Variants in BLNK observed in about 807,000 individuals in gnomAD.
The protein encoded by BLNK is B-cell linker protein.
Under a neutral mutation model 73.5 loss-of-function variants are expected in BLNK, and 29 were observed. That is an observed-to-expected ratio of 0.39 (90% CI 0.29 to 0.54). The LOEUF is 0.54. Among genes scored for constraint, BLNK ranks in the 20% least tolerant of loss-of-function variants. The pLI is 0.61. For synonymous variants in BLNK, 176 were observed against 200.8 expected, an observed-to-expected ratio of 0.88 and a Z score of 1.04; for missense variants, 460 against 562.8, an observed-to-expected ratio of 0.82 and a Z score of 1.85.
chr10:96,190,196 G>T lies in BLNK; in HGVS notation c.*1777C>A, dbSNP rs1207377582. Reference sequence around the variant, plus strand: ...TAGTTCTGGGCCTCAGGGGGCTCACGTCCATGTCCATCGAATCTTCCATCA... The same window carrying T: ...TAGTTCTGGGCCTCAGGGGGCTCACTTCCATGTCCATCGAATCTTCCATCA... On this transcript the variant is annotated 3_prime_UTR_variant, in exon 17 of 17. Transcript: ENST00000224337. The T allele has an allele frequency of 2.6e-6, 2 of 779,766 alleles. No homozygotes were observed. Among genetic ancestry groups the T allele is most frequent in the South Asian group, 1.3e-5 (1 of 74,906 alleles). The allele number at this position is 779,766 out of a possible 1,614,324, so 48.3% of individuals were successfully genotyped here. A position where few individuals can be genotyped will look rare whatever the true frequency, so the allele number is the denominator to read the frequency against.
chr10:96,227,070 G>A (rs112811832), intron 5 of BLNK, among the ~76,000 whole-genome samples: 3 of 152,176 alleles, frequency 2.0e-5, no homozygotes, highest in Non-Finnish European at 4.4e-5. Context: ...CCTAAAAGTG[G>A]GACTAATCTC....
chr10:96,252,976 T>A (rs905974097), intron 1 of BLNK, among the ~76,000 whole-genome samples: 2 of 152,138 alleles, frequency 1.3e-5, no homozygotes, highest in South Asian at 2.1e-4. Flanking sequence ...AAAATGAGGA[T>A]GTGGCAGGCA....
intron 12 of BLNK, 161 bp downstream of exon 12, chr10:96,204,371 T>G (rs1029611346): frequency 2.3e-6 from 2 of 870,276 alleles, no homozygotes; most frequent in Admixed American, 2.0e-5. Context: ...ACACAGTTAT[T>G]TTAAAGTTGC....
In BLNK at chr10:96,191,943, A is replaced by C; in HGVS notation, c.*30T>G. On this transcript the variant is annotated 3_prime_UTR_variant, in exon 17 of 17. Transcript: ENST00000224337. ...GGAGAAACTTTGGGAAAGTGTCTGA[A>C]GCAATGGTATTGATCTTTTTTTTCC... The C allele has an allele frequency of 6.2e-7, 1 of 1,613,116 alleles. No homozygotes were observed. Among genetic ancestry groups the C allele is most frequent in the Non-Finnish European group, 8.5e-7 (1 of 1,179,358 alleles).
intron 15 of BLNK, among the ~76,000 whole-genome samples, chr10:96,198,422 T>C (rs2133938214): frequency 6.6e-6 from 1 of 152,302 alleles, no homozygotes; most frequent in Non-Finnish European, 1.5e-5. Context: ...AGGGCTTCTG[T>C]CTACTTGAGA....
intron 1 of BLNK, among the ~76,000 whole-genome samples, chr10:96,256,811 G>T (rs7922911): frequency 0.014 from 2,048 of 146,074 alleles, 37 homozygotes; most frequent in African/African-American, 0.045. Context: ...AACCCGGGAG[G>T]CAGAGGTTGC....
intron 1 of BLNK, among the ~76,000 whole-genome samples, chr10:96,257,276 T>C (rs1320247507): frequency 6.6e-6 from 1 of 152,180 alleles, no homozygotes; most frequent in African/African-American, 2.4e-5. Context: ...CTGGAAGCCC[T>C]TGGAGACCTT....
At chr10:96,257,833 T>C (rs370733732) in intron 1 of BLNK, among the ~76,000 whole-genome samples, 5 of 152,160 alleles carry the variant, frequency 3.3e-5, no homozygotes, top group South Asian at 2.1e-4. Flanking sequence ...AAGGGGCTCC[T>C]TTCACCACCT....
In BLNK at chr10:96,227,483, G is replaced by A. The variant is rs782558431; in HGVS notation, c.288C>T (p.Tyr96=). Residue 96 remains tyrosine, a synonymous_variant, in exon 5 of 17, where the codon TAC becomes TAT. Transcript: ENST00000224337. The stretch of plus-strand genomic sequence containing the variant: ...TTTCCTGCTCTACTGGAGGCGGCTC[G>A]TAGCTGTCATCAGCGTTCTCCTCGG... The part of the protein sequence containing the change: ...MPAEENADDS[Y]EPPPVEQETR... 22 of 1,614,108 alleles carry A rather than the reference G, an allele frequency of 1.4e-5. No homozygotes were observed. The highest frequency in any genetic ancestry group is 9.3e-5 in the African/African-American group (7 of 74,952).
chr10:96,258,288 C>A (rs891117781), intron 1 of BLNK, among the ~76,000 whole-genome samples: 4 of 152,094 alleles, frequency 2.6e-5, no homozygotes, highest in Non-Finnish European at 5.9e-5. Context: ...CCCTCAAGGT[C>A]GAGTTAGTGG....
At chr10:96,201,797 C>T (rs1554896261) in intron 13 of BLNK, among the ~76,000 whole-genome samples, 1 of 152,144 alleles carries the variant, frequency 6.6e-6, no homozygotes, top group African/African-American at 2.4e-5. Context: ...GGATCAAAGG[C>T]ATTGGGGATA....
intron 1 of BLNK, among the ~76,000 whole-genome samples, chr10:96,259,750 A>T (rs1843673762): frequency 8.8e-6 from 1 of 114,084 alleles, no homozygotes; most frequent in Admixed American, 1.3e-4. Context: ...AGTCTTTGGC[A>T]TGTCTGAACG....
chr10:96,199,029 A>G (rs1224113080), intron 15 of BLNK, among the ~76,000 whole-genome samples: 2 of 152,216 alleles, frequency 1.3e-5, no homozygotes, highest in African/African-American at 2.4e-5. Context: ...AAAGGAACTC[A>G]GGGAATAATG....
intron 15 of BLNK, 85 bp downstream of exon 15, chr10:96,199,990 T>G: frequency 2.0e-6 from 2 of 997,032 alleles, no homozygotes; most frequent in Admixed American, 3.3e-5. Flanking sequence ...ATCGAGCCAC[T>G]GCACTCCAGT....
At chr10:96,214,619 G>A (rs782361437) in intron 8 of BLNK, among the ~76,000 whole-genome samples, 4 of 152,158 alleles carry the variant, frequency 2.6e-5, no homozygotes, top group African/African-American at 9.7e-5. Context: ...AGGGGTGCCC[G>A]CAGGGGAGGG....
chr10:96,216,878 A>C (rs1347340213), intron 6 of BLNK, 144 bp from the exon 7 acceptor site: 10 of 751,980 alleles, frequency 1.3e-5, no homozygotes, highest in Non-Finnish European at 2.3e-5. Context: ...CAATTTGGTG[A>C]CTTTTAGTAT....
chr10:96,202,699 G>C (rs1211915449), intron 13 of BLNK, among the ~76,000 whole-genome samples: 1 of 152,194 alleles, frequency 6.6e-6, no homozygotes, highest in Non-Finnish European at 1.5e-5. Flanking sequence ...GCACTCCCAG[G>C]TGAGAGCAGC....
intron 1 of BLNK, among the ~76,000 whole-genome samples, chr10:96,247,527 T>G (rs1199644436): frequency 6.6e-6 from 1 of 152,138 alleles, no homozygotes; most frequent in African/African-American, 2.4e-5. Context: ...GAAACTTCTG[T>G]AGAACAAAAA....
chr10:96,263,111 G>A (rs1449228814), intron 1 of BLNK, among the ~76,000 whole-genome samples: 1 of 152,162 alleles, frequency 6.6e-6, no homozygotes, highest in African/African-American at 2.4e-5. Flanking sequence ...TGGAACCCCC[G>A]ACCAGCACTG....
Sources: allele counts gnomAD v4.1 joint callset (sites outside exome capture counted in the v4.1 genomes callset), GRCh38; gene constraint gnomAD v4.1.1; transcripts MANE v1.5; gene names NCBI Gene and HGNC (gene_info 2026-07-23, HGNC 2026-07-21).